Variants in ORC3 observed in about 807,000 individuals in gnomAD.
ORC3 encodes homolog of latheo, Drosophila.
In ORC3, 78 loss-of-function variants were observed where a neutral mutation model predicts 100.7. The observed-to-expected ratio is 0.77, with a 90% CI of 0.65 to 0.94. ORC3 has a LOEUF of 0.94. ORC3 is among the 40% of genes least tolerant of loss of function. ORC3 has a pLI of 0.00. For synonymous variants in ORC3, 295 were observed against 289.3 expected, an observed-to-expected ratio of 1.02 and a Z score of -0.20; for missense variants, 789 against 823.9, an observed-to-expected ratio of 0.96 and a Z score of 0.52.
chr6:87,608,624 G>C (rs1223867270), intron 6 of ORC3, among the ~76,000 whole-genome samples: 1 of 152,132 alleles, frequency 6.6e-6, no homozygotes, highest in Non-Finnish European at 1.5e-5. Flanking sequence ...TTTGGTTTAT[G>C]TCAGATATCT....
chr6:87,590,330 C>T, intron 1 of ORC3, 138 bp downstream of exon 1: 1 of 935,054 alleles, frequency 1.1e-6, no homozygotes, highest in Non-Finnish European at 1.7e-6. Flanking sequence ...CTGAGGCGTC[C>T]TTGCTCCAGA....
intron 9 of ORC3, among the ~76,000 whole-genome samples, chr6:87,618,788 T>A (rs1278233782): frequency 6.6e-6 from 1 of 152,102 alleles, no homozygotes; most frequent in African/African-American, 2.4e-5. Flanking sequence ...TTTTTTTTCT[T>A]ACTTGACTTG....
At chr6:87,674,664 T>C in the ORC3 span, among the ~76,000 whole-genome samples, 16 of 140,810 alleles carry the variant, frequency 1.1e-4, no homozygotes, top group African/African-American at 3.3e-4. Context: ...TTAGTAGAGA[T>C]GGGGTTTCAC....
chr6:87,635,196 A>T (rs563583311), intron 12 of ORC3, among the ~76,000 whole-genome samples: 3 of 152,108 alleles, frequency 2.0e-5, no homozygotes, highest in African/African-American at 7.2e-5. Context: ...TTCCCCTACA[A>T]TGTTTTTGTA....
chr6:87,652,272 AT>A (rs1769338824), intron 13 of ORC3, among the ~76,000 whole-genome samples: 1 of 152,330 alleles, frequency 6.6e-6, no homozygotes, highest in South Asian at 2.1e-4. Context: ...TATTTGTGTA[AT>A]GCCACTGCTT....
intron 2 of ORC3, 97 bp from the exon 3 acceptor site, chr6:87,601,685 ATT>A: frequency 1.5e-6 from 1 of 689,590 alleles, no homozygotes; most frequent in Non-Finnish European, 2.5e-6. Flanking sequence ...AAAAAAAAAA[ATT>A]TCACTTCTGT....
the ORC3 span, chr6:87,675,954 A>G: frequency 6.3e-7 from 1 of 1,591,890 alleles, no homozygotes; most frequent in Non-Finnish European, 8.6e-7. Flanking sequence ...GTACTTGTCA[A>G]TTACATTTGT....
intron 19 of ORC3, 41 bp downstream of exon 19, chr6:87,665,874 TA>T (rs1770555378): frequency 8.2e-7 from 1 of 1,212,434 alleles, no homozygotes. Context: ...CAACTACACA[TA>T]AAATATAAGT....
At chr6:87,627,171 G>T (rs570635590) in intron 11 of ORC3, among the ~76,000 whole-genome samples, 106 of 148,610 alleles carry the variant, frequency 7.1e-4, no homozygotes, top group African/African-American at 2.6e-3. Flanking sequence ...CTAATTTTTT[G>T]TATTTTTAGT....
chr6:87,597,555 A>C (rs1484100622), intron 2 of ORC3, among the ~76,000 whole-genome samples: 1 of 152,150 alleles, frequency 6.6e-6, no homozygotes, highest in East Asian at 1.9e-4. Flanking sequence ...ATGATATGGA[A>C]TTAAGCATAC....
chr6:87,614,439 A>C (rs1422002874), intron 8 of ORC3, among the ~76,000 whole-genome samples: 2 of 152,172 alleles, frequency 1.3e-5, no homozygotes, highest in East Asian at 1.9e-4. Context: ...TGTTTTGGGG[A>C]TTAACGTTTG....
At chr6:87,653,733 A>G (rs995876535) in intron 14 of ORC3, among the ~76,000 whole-genome samples, 2 of 152,232 alleles carry the variant, frequency 1.3e-5, no homozygotes, top group Non-Finnish European at 2.9e-5. Context: ...CAAAATCTGC[A>G]TGAGGCTTAC....
Position 87,665,817 on chromosome 6 carries a change from A to G in ORC3, c.2014A>G (p.Met672Val), listed in dbSNP as rs1179577332. The G allele has an allele frequency of 1.2e-6, 2 of 1,606,192 alleles. No homozygotes were observed. The highest frequency in any genetic ancestry group is 1.7e-6 in the Non-Finnish European group (2 of 1,173,274). The part of the protein sequence containing the change: ...MDANSATSEE[M>V]NEIIHARFIR... Reference sequence around the variant, plus strand: ...TGCAAATTCTGCAACCTCAGAAGAAATGAATGAAATTATCCAGTATCCTTT... The same window carrying G: ...TGCAAATTCTGCAACCTCAGAAGAAGTGAATGAAATTATCCAGTATCCTTT... The change falls in exon 19 of 20, where the codon ATG becomes GTG. Residue 672 changes from methionine (M) to valine (V), a missense_variant. Around this residue, in one of 3 missense-constraint regions of ORC3, gnomAD observed 366 missense variants for 394.2 expected, o/e 0.93. Coordinates refer to ENST00000392844, the MANE Select transcript of ORC3 (RefSeq NM_012381.4).
At chr6:87,612,342 C>T in intron 8 of ORC3, 94 bp downstream of exon 8, 1 of 707,996 alleles carries the variant, frequency 1.4e-6, no homozygotes, top group South Asian at 2.4e-5. Context: ...GCCTCTACAA[C>T]TCTCTGAGTA....
In ORC3 at chr6:87,623,256, C is replaced by T. The variant is rs138509402; in HGVS notation, c.1185+1243C>T. On this transcript the variant is annotated intron_variant, in intron 11 of 19. Coordinates refer to ENST00000392844, the MANE Select transcript of ORC3 (RefSeq NM_012381.4). The stretch of plus-strand genomic sequence containing the variant: ...TTCTAATGTAGAATCCACACTGGGC[C>T]GTAATATAAAGTCACTTCTAGATTG... Among the ~76,000 whole-genome samples, 29 of 152,178 alleles carry T rather than the reference C, an allele frequency of 1.9e-4. No individual in the cohort carries two copies. The East Asian group carries it at 4.6e-3, about 24-fold the overall frequency.
At chr6:87,656,555 C>G (rs1372249985) in intron 14 of ORC3, among the ~76,000 whole-genome samples, 1 of 152,026 alleles carries the variant, frequency 6.6e-6, no homozygotes, top group Non-Finnish European at 1.5e-5. Context: ...CCACTGCACT[C>G]CAGCCTGGGC....
rs376998705 is a variant in ORC3 at position 87,633,381 on chromosome 6, C to A, written c.1186-1464C>A. On this transcript the variant is annotated intron_variant, in intron 11 of 19. Coordinates refer to ENST00000392844, the MANE Select transcript of ORC3 (RefSeq NM_012381.4). ...TTAAAACAATTTTTGATTATGGCTA[C>A]TTTTGTTATGATAGGAGATTTAGAT... Among the ~76,000 whole-genome samples the A allele has an allele frequency of 5.3e-5, 8 of 152,164 alleles. No individual in the cohort carries two copies. In the East Asian group the frequency reaches 1.2e-3, roughly 22 times the overall value.
chr6:87,623,454 G>A (rs988270344), intron 11 of ORC3, among the ~76,000 whole-genome samples: 2 of 152,236 alleles, frequency 1.3e-5, no homozygotes, highest in African/African-American at 4.8e-5. Flanking sequence ...TGTTGAGTCA[G>A]CTAGTTGCCA....
chr6:87,654,579 T>C (rs1198917597), intron 14 of ORC3, among the ~76,000 whole-genome samples: 1 of 152,238 alleles, frequency 6.6e-6, no homozygotes, highest in South Asian at 2.1e-4. Flanking sequence ...AGCCCATCTC[T>C]CTTAACCACT....
Sources: allele counts gnomAD v4.1 joint callset (sites outside exome capture counted in the v4.1 genomes callset), GRCh38; gene constraint gnomAD v4.1.1; regional missense constraint gnomAD v4.1.1; transcripts MANE v1.5; gene names NCBI Gene and HGNC (gene_info 2026-07-23, HGNC 2026-07-21).